Variants in STK33 observed in about 807,000 individuals in gnomAD.
STK33 encodes the protein serine/threonine kinase 33, also known as serine/threonine-protein kinase 33.
Under a neutral mutation model 58.0 loss-of-function variants are expected in STK33, and 52 were observed. That is an observed-to-expected ratio of 0.90 (90% CI 0.72 to 1.13). The LOEUF is 1.13. Among genes scored for constraint, STK33 ranks in the 50% most tolerant of loss-of-function variants. The pLI is 0.00. For missense variants in STK33, 630 were observed against 604.2 expected (o/e 1.04, Z -0.45); for synonymous variants, 215 against 200.1 (o/e 1.07, Z -0.63).
intron 15 of STK33, among the ~76,000 whole-genome samples, chr11:8,407,547 G>A (rs1229571848): frequency 2.6e-5 from 4 of 151,902 alleles, no homozygotes; most frequent in Non-Finnish European, 4.4e-5. Context: ...TTCTATTTTT[G>A]TGTAACTGTT....
intron 11 of STK33, among the ~76,000 whole-genome samples, chr11:8,447,684 T>C (rs1357654571): frequency 6.6e-6 from 1 of 152,222 alleles, no homozygotes; most frequent in Non-Finnish European, 1.5e-5. Flanking sequence ...AATATCATAC[T>C]TAATGGGCAA....
intron 1 of STK33, among the ~76,000 whole-genome samples, chr11:8,541,911 T>C (rs2140350201): frequency 6.6e-6 from 1 of 152,266 alleles, no homozygotes; most frequent in East Asian, 1.9e-4. Flanking sequence ...TTTGAATGAA[T>C]TTTCAGACTA....
chr11:8,344,088 C>T, the STK33 span, among the ~76,000 whole-genome samples: 1 of 152,116 alleles, frequency 6.6e-6, no homozygotes, highest in African/African-American at 2.4e-5. Context: ...CAGTGACTCT[C>T]GCCTAGAATA....
Position 8,392,730 on chromosome 11 carries a change from A to AT in STK33, c.1345-21dup. The AT allele has an allele frequency of 6.2e-7, 1 of 1,612,868 alleles. No individual in the cohort carries two copies. Among genetic ancestry groups the AT allele is most frequent in the East Asian group, 2.2e-5 (1 of 44,882 alleles). ...AGTAGACTGCAAATAAAAGGTCTTG[A>AT]TTAATTTTCAGACACAAAGCAATGC... On this transcript the variant is annotated intron_variant, in intron 15 of 15. Coordinates refer to ENST00000687296, the MANE Select transcript of STK33 (RefSeq NM_001352389.2).
In STK33 at chr11:8,435,527, T is replaced by C; in HGVS notation, c.1113A>G (p.Thr371=). ...LMKVDPAHRI[T]AKELLDNQWL... ...ACTGGTTATCTAGTAGTTCCTTAGCTGTGATTCTGTGAGCAGGATCTACTT... is the reference window on the plus strand; with the variant it reads ...ACTGGTTATCTAGTAGTTCCTTAGCCGTGATTCTGTGAGCAGGATCTACTT... Residue 371 remains threonine, a synonymous_variant, in exon 14 of 16, where the codon ACA becomes ACG. Transcript: ENST00000687296. 1 of 1,522,430 alleles carries C rather than the reference T, an allele frequency of 6.6e-7. No individual in the cohort carries two copies. The highest frequency in any genetic ancestry group is 8.9e-7 in the Non-Finnish European group (1 of 1,126,018). The allele number at this position is 1,522,430 out of a possible 1,614,324, so 94.3% of individuals were successfully genotyped here. A position where few individuals can be genotyped will look rare whatever the true frequency, so the allele number is the denominator to read the frequency against.
chr11:8,561,271 A>T (rs899509515), intron 1 of STK33, among the ~76,000 whole-genome samples: 1 of 152,088 alleles, frequency 6.6e-6, no homozygotes, highest in Non-Finnish European at 1.5e-5. Flanking sequence ...TGTTATCTTT[A>T]TGCATAAATA....
intron 1 of STK33, among the ~76,000 whole-genome samples, chr11:8,539,789 C>T (rs1955361067): frequency 6.6e-6 from 1 of 152,156 alleles, no homozygotes; most frequent in Non-Finnish European, 1.5e-5. Context: ...GGTTACATTA[C>T]ACCCTTAATA....
intron 15 of STK33, among the ~76,000 whole-genome samples, chr11:8,401,533 G>C (rs1937954429): frequency 1.3e-5 from 2 of 152,068 alleles, no homozygotes; most frequent in Admixed American, 6.5e-5. Context: ...GAAAACCTAG[G>C]CAATACCATT....
Position 8,593,231 on chromosome 11 carries a change from G to GA in STK33, c.-466+851dup, listed in dbSNP as rs1238972091. Among the ~76,000 whole-genome samples, 4 of 152,194 alleles carry GA rather than the reference G, an allele frequency of 2.6e-5. No homozygotes were observed. In the East Asian group the frequency reaches 7.7e-4, roughly 29 times the overall value. The stretch of plus-strand genomic sequence containing the variant: ...TAAAGGCACGGGCCTGGAGAACAAG[G>GA]AAAGAGTTTGGGTTCAAAACTTGTT... On this transcript the variant is annotated intron_variant, in intron 1 of 15. Coordinates refer to ENST00000687296, the MANE Select transcript of STK33 (RefSeq NM_001352389.2).
At chr11:8,522,880 G>C (rs1953611194) in intron 1 of STK33, among the ~76,000 whole-genome samples, 1 of 152,062 alleles carries the variant, frequency 6.6e-6, no homozygotes, top group Non-Finnish European at 1.5e-5. Context: ...TCGGCTCACT[G>C]CAACCTCCCT....
At chr11:8,477,058 G>A (rs947196488) in intron 3 of STK33, among the ~76,000 whole-genome samples, 192 bp downstream of exon 3, 2 of 150,916 alleles carry the variant, frequency 1.3e-5, no homozygotes, top group African/African-American at 4.9e-5. Context: ...AACTCATAAT[G>A]GAGAGTATGA....
At chr11:8,503,866 C>T (rs1951688841) in intron 1 of STK33, among the ~76,000 whole-genome samples, 1 of 152,144 alleles carries the variant, frequency 6.6e-6, no homozygotes, top group Non-Finnish European at 1.5e-5. Flanking sequence ...AATAAAGGGA[C>T]TCCCTCCCCT....
chr11:8,368,663 C>T, the STK33 span, among the ~76,000 whole-genome samples: 2 of 152,250 alleles, frequency 1.3e-5, no homozygotes, highest in East Asian at 3.8e-4. Context: ...GCCCGAGTGG[C>T]AGGTTCTTGC....
chr11:8,462,800 G>A (rs1474517025), intron 7 of STK33, among the ~76,000 whole-genome samples: 1 of 151,912 alleles, frequency 6.6e-6, no homozygotes, highest in Non-Finnish European at 1.5e-5. Flanking sequence ...ATTCTAGAAG[G>A]GCTTTCTCCA....
the STK33 span, among the ~76,000 whole-genome samples, chr11:8,357,058 G>A: frequency 6.6e-6 from 1 of 152,214 alleles, no homozygotes; most frequent in Admixed American, 6.5e-5. Context: ...AGCCCCAGCT[G>A]TCTCCCTCCT....
At chr11:8,427,719 T>G (rs1163907280) in intron 14 of STK33, among the ~76,000 whole-genome samples, 1 of 152,224 alleles carries the variant, frequency 6.6e-6, no homozygotes, top group Non-Finnish European at 1.5e-5. Flanking sequence ...TTTAGTTGTA[T>G]CTACTATGTA....
the STK33 span, among the ~76,000 whole-genome samples, chr11:8,367,648 C>G: frequency 2.6e-5 from 4 of 152,196 alleles, no homozygotes; most frequent in African/African-American, 9.7e-5. Flanking sequence ...TCTGAGTGTG[C>G]TACACACACT....
chr11:8,472,464 G>T (rs1468367675), intron 6 of STK33, among the ~76,000 whole-genome samples: 3 of 152,072 alleles, frequency 2.0e-5, no homozygotes, highest in African/African-American at 7.2e-5. Flanking sequence ...TGTGTATCAG[G>T]GACTAGGGAG....
At chr11:8,473,070 C>G (rs1312380877) in intron 6 of STK33, 93 bp downstream of exon 6, 1 of 744,920 alleles carries the variant, frequency 1.3e-6, no homozygotes, top group South Asian at 2.3e-5. Flanking sequence ...ACTTCCTTTC[C>G]TTAGAGATTT....
Sources: gnomAD v4.1 joint callset for allele counts (sites outside exome capture counted in the v4.1 genomes callset) on GRCh38, gnomAD v4.1.1 for gene constraint, MANE v1.5 for transcripts, NCBI Gene and HGNC (gene_info 2026-07-23, HGNC 2026-07-21) for gene names.